The following CHCHD6 variants were observed in gnomAD, a reference collection of about 807,000 sequenced individuals.
CHCHD6 encodes coiled-coil-helix-coiled-coil-helix domain containing 6.
A neutral mutation model predicts 32.3 loss-of-function variants in CHCHD6; 28 were observed. The observed-to-expected ratio is 0.87, with a 90% confidence interval of 0.64 to 1.19. CHCHD6 has a LOEUF of 1.19. Ranked by LOEUF, CHCHD6 falls within the 50% of genes most tolerant of loss-of-function variation. The pLI is 0.00. For synonymous variants in CHCHD6, 122 were observed against 117.5 expected (o/e 1.04, Z -0.25); for missense variants, 333 against 307.0 (o/e 1.08, Z -0.63).
chr3:126,717,128 A>G (rs1935057363), intron 1 of CHCHD6, among the ~76,000 whole-genome samples: 1 of 152,098 alleles, frequency 6.6e-6, no homozygotes, highest in East Asian at 1.9e-4. Context: ...CTGTGGCTTC[A>G]TGGACTGGGC....
intron 4 of CHCHD6, among the ~76,000 whole-genome samples, chr3:126,774,601 C>G (rs1220928043): frequency 6.6e-6 from 1 of 152,070 alleles, no homozygotes; most frequent in Non-Finnish European, 1.5e-5. Context: ...CAAGTGATCT[C>G]CACCGACAGG....
At chr3:126,750,104 C>T (rs1236035628) in intron 4 of CHCHD6, among the ~76,000 whole-genome samples, 5 of 152,188 alleles carry the variant, frequency 3.3e-5, no homozygotes, top group African/African-American at 1.2e-4. Context: ...CATACCTGGG[C>T]TTGAATCATT....
chr3:126,740,409 T>G (rs1405379718), intron 4 of CHCHD6, among the ~76,000 whole-genome samples: 1 of 152,146 alleles, frequency 6.6e-6, no homozygotes, highest in South Asian at 2.1e-4. Context: ...GCTTTATCTT[T>G]AAGAAAATAA....
chr3:126,802,613 G>C (rs1939139016), intron 4 of CHCHD6, among the ~76,000 whole-genome samples: 1 of 152,312 alleles, frequency 6.6e-6, no homozygotes, highest in Middle Eastern at 3.4e-3. Context: ...GTGACGGGGA[G>C]AATGGAACCA....
chr3:126,724,817 C>G (rs1399737600), intron 1 of CHCHD6, among the ~76,000 whole-genome samples: 1 of 152,190 alleles, frequency 6.6e-6, no homozygotes, highest in Non-Finnish European at 1.5e-5. Context: ...GGAGCAGATT[C>G]CATCTCAAGA....
chr3:126,891,037 T>C (rs889160353), intron 5 of CHCHD6, among the ~76,000 whole-genome samples: 17 of 152,196 alleles, frequency 1.1e-4, no homozygotes, highest in African/African-American at 4.8e-5. Flanking sequence ...TTTTAGTAGC[T>C]ACTGTGTACC....
intron 5 of CHCHD6, among the ~76,000 whole-genome samples, chr3:126,882,664 T>C (rs1004250688): frequency 6.6e-6 from 1 of 152,188 alleles, no homozygotes; most frequent in Non-Finnish European, 1.5e-5. Flanking sequence ...CAAAGTTACC[T>C]CCACTTTATA....
chr3:126,729,812 A>G (rs781092414), intron 2 of CHCHD6, among the ~76,000 whole-genome samples: 3 of 152,168 alleles, frequency 2.0e-5, no homozygotes, highest in Non-Finnish European at 4.4e-5. Flanking sequence ...CTGCTGGTGC[A>G]TAGAACCCTG....
chr3:126,945,241 T>C (rs1379154948), intron 6 of CHCHD6, among the ~76,000 whole-genome samples: 1 of 151,912 alleles, frequency 6.6e-6, no homozygotes, highest in Non-Finnish European at 1.5e-5. Flanking sequence ...AGCCCTCGGG[T>C]TCTGGGAGCT....
intron 4 of CHCHD6, among the ~76,000 whole-genome samples, chr3:126,758,061 G>C (rs1187035621): frequency 5.3e-5 from 8 of 152,170 alleles, no homozygotes; most frequent in African/African-American, 1.9e-4. Flanking sequence ...ATGAACTCTT[G>C]GGCAAGCCCT....
intron 4 of CHCHD6, among the ~76,000 whole-genome samples, chr3:126,752,188 G>A (rs1337802295): frequency 4.6e-5 from 7 of 152,152 alleles, no homozygotes; most frequent in Non-Finnish European, 1.0e-4. Flanking sequence ...GGGGAAGAAG[G>A]CCAGGCTCTG....
chr3:126,826,438 A>G (rs964395551), intron 4 of CHCHD6, among the ~76,000 whole-genome samples: 1 of 152,312 alleles, frequency 6.6e-6, no homozygotes, highest in Middle Eastern at 3.4e-3. Context: ...AGTATTCAGT[A>G]AGTAGAGAGA....
chr3:126,763,546 G>T (rs1206095699), intron 4 of CHCHD6, among the ~76,000 whole-genome samples: 2 of 151,938 alleles, frequency 1.3e-5, no homozygotes, highest in Non-Finnish European at 2.9e-5. Context: ...TTGTTATGTT[G>T]TCCAGGCTAG....
intron 4 of CHCHD6, among the ~76,000 whole-genome samples, chr3:126,794,163 T>A (rs1013382894): frequency 6.6e-6 from 1 of 152,052 alleles, no homozygotes; most frequent in Non-Finnish European, 1.5e-5. Flanking sequence ...TTTCAATCAT[T>A]ATTTCTGCAA....
intron 6 of CHCHD6, among the ~76,000 whole-genome samples, chr3:126,945,489 C>G (rs902583420): frequency 7.0e-6 from 1 of 143,390 alleles, no homozygotes; most frequent in South Asian, 2.3e-4. Flanking sequence ...CAGGGAGACT[C>G]TAGGTGGGAG....
intron 1 of CHCHD6, among the ~76,000 whole-genome samples, 162 bp downstream of exon 1, chr3:126,704,561 C>T (rs2107647100): frequency 6.6e-6 from 1 of 152,254 alleles, no homozygotes; most frequent in South Asian, 2.1e-4. Flanking sequence ...GAGACGCGAG[C>T]CCGAGGCTGG....
At chr3:126,905,790 G>T (rs989489400) in intron 5 of CHCHD6, among the ~76,000 whole-genome samples, 13 of 152,312 alleles carry the variant, frequency 8.5e-5, no homozygotes, top group Middle Eastern at 3.4e-3. Context: ...TCTGAATTTG[G>T]TTGCAGCCTA....
chr3:126,717,097 C>T (rs1411451609), intron 1 of CHCHD6, among the ~76,000 whole-genome samples: 1 of 152,158 alleles, frequency 6.6e-6, no homozygotes, highest in Admixed American at 6.5e-5. Context: ...AGGCGGCTTT[C>T]CCTGCAGTCA....
intron 5 of CHCHD6, among the ~76,000 whole-genome samples, chr3:126,889,599 G>A (rs1422638009): frequency 2.0e-5 from 3 of 152,172 alleles, no homozygotes; most frequent in African/African-American, 7.2e-5. Flanking sequence ...GTGCACAGTG[G>A]CCACACTCTC....
Sources: allele counts gnomAD v4.1 joint callset (sites outside exome capture counted in the v4.1 genomes callset), GRCh38; gene constraint gnomAD v4.1.1; transcripts MANE v1.5; gene names NCBI Gene and HGNC (gene_info 2026-07-23, HGNC 2026-07-21).